CXADR: variants seen among roughly 807,000 people sequenced by gnomAD.
CXADR encodes coxsackievirus and adenovirus receptor.
In CXADR, 20 loss-of-function variants were observed where a neutral mutation model predicts 40.3. The ratio of observed to expected loss-of-function variants is 0.50; its 90% CI spans 0.35 to 0.72. The LOEUF (loss-of-function observed/expected upper bound fraction) is 0.72. Ranked by LOEUF, CXADR falls within the 30% of genes least tolerant of loss-of-function variation. The probability of loss-of-function intolerance (pLI) is 0.01; values close to 1 mark genes in which losing one functional copy is unlikely to be tolerated. For synonymous variants in CXADR, 150 were observed against 161.3 expected, an observed-to-expected ratio of 0.93 and a Z score of 0.53; for missense variants, 332 against 449.1, an observed-to-expected ratio of 0.74 and a Z score of 2.36.
At chr21:17,595,435 A>C (rs1274286263), downstream of CXADR, among the ~76,000 whole-genome samples, 10 of 151,988 alleles carry the variant, frequency 6.6e-5, no homozygotes, top group Admixed American at 2.6e-4. Context: ...ACCCTTCTCA[A>C]GGGCAACTGA....
chr21:17,593,751 A>C (rs897658073), downstream of CXADR: 6 of 199,776 alleles, frequency 3.0e-5, no homozygotes, highest in Non-Finnish European at 5.0e-5. Flanking sequence ...AATAACTTAC[A>C]TACGCTCCAT....
At chr21:17,540,404 A>G (rs1304171832) in intron 1 of CXADR, among the ~76,000 whole-genome samples, 1 of 152,076 alleles carries the variant, frequency 6.6e-6, no homozygotes, top group Non-Finnish European at 1.5e-5. Context: ...ATTTCATTCG[A>G]TGATTGTATT....
At chr21:17,565,161 ATC>A (rs1569135654) in intron 6 of CXADR, among the ~76,000 whole-genome samples, 2 of 152,224 alleles carry the variant, frequency 1.3e-5, no homozygotes, top group Non-Finnish European at 2.9e-5. Flanking sequence ...TTCTAGAATC[ATC>A]TACATTTGTG....
At chr21:17,594,435 T>C (rs1186840155), downstream of CXADR, 3 of 1,355,480 alleles carry the variant, frequency 2.2e-6, no homozygotes, top group African/African-American at 4.4e-5. Context: ...AACACTGAGA[T>C]CACATCTAAG....
chr21:17,530,280 T>C (rs1401828998), intron 1 of CXADR: 1 of 338,232 alleles, frequency 3.0e-6, no homozygotes, highest in African/African-American at 2.2e-5. Context: ...CACCCTTTTT[T>C]CCACTCTTTT....
chr21:17,533,375 A>G (rs1269382475), intron 1 of CXADR, among the ~76,000 whole-genome samples: 1 of 152,204 alleles, frequency 6.6e-6, no homozygotes, highest in Non-Finnish European at 1.5e-5. Flanking sequence ...TACCATGGTG[A>G]TTGGAATAGG....
At chr21:17,574,146 A>G (rs1038860545), downstream of CXADR, among the ~76,000 whole-genome samples, 1 of 152,176 alleles carries the variant, frequency 6.6e-6, no homozygotes, top group Non-Finnish European at 1.5e-5. Context: ...ATAGAGTGAA[A>G]TCTAACCCTC....
the CXADR span, chr21:17,598,712 A>T: frequency 6.2e-7 from 1 of 1,614,002 alleles, no homozygotes; most frequent in East Asian, 2.2e-5. Flanking sequence ...CCTGAATGAT[A>T]ATCAGAGGTA....
chr21:17,595,654 T>C (rs1038432263), downstream of CXADR, among the ~76,000 whole-genome samples: 1 of 151,982 alleles, frequency 6.6e-6, no homozygotes, highest in Non-Finnish European at 1.5e-5. Context: ...CTCCTAGTAA[T>C]GGGACATTGA....
At chr21:17,629,052 C>T in the CXADR span, among the ~76,000 whole-genome samples, 1 of 152,072 alleles carries the variant, frequency 6.6e-6, no homozygotes, top group Non-Finnish European at 1.5e-5. Context: ...TTGACATATA[C>T]AATTAACCAT....
chr21:17,577,446 T>C (rs1335781588), intron 7 of CXADR, among the ~76,000 whole-genome samples: 1 of 152,010 alleles, frequency 6.6e-6, no homozygotes, highest in Non-Finnish European at 1.5e-5. Flanking sequence ...TTTTTGGACC[T>C]AGAGATTGTT....
intron 1 of CXADR, among the ~76,000 whole-genome samples, chr21:17,525,423 C>T (rs2060586854): frequency 6.6e-6 from 1 of 152,178 alleles, no homozygotes; most frequent in African/African-American, 2.4e-5. Context: ...TGTTTGAAGT[C>T]CTCTCAAGGA....
chr21:17,534,100 ATTTTTTTTTT>A (rs1157117899), intron 1 of CXADR, among the ~76,000 whole-genome samples: 1 of 60,070 alleles, frequency 1.7e-5, no homozygotes, highest in African/African-American at 8.9e-5. Flanking sequence ...ATATATATAT[ATTTTTTTTTT>A]TTTTTTTTTT....
chr21:17,604,736 A>G, the CXADR span: 1 of 1,202,848 alleles, frequency 8.3e-7, no homozygotes, highest in Non-Finnish European at 1.1e-6. Flanking sequence ...TAAAATTTAC[A>G]TCTGAGAGAG....
rs35477813 is a variant in CXADR, at chr21:17,528,068, CTTT to C, written c.43+14917_43+14919del. On this transcript the variant is annotated intron_variant, in intron 1 of 6. Coordinates refer to ENST00000284878, the MANE Select transcript of CXADR (RefSeq NM_001338.5). ...GTGCTCTCCTTATGCTTAGTTCTTT[CTTT>C]TTTTTTTTTTTTTTTTTTTTGAGAC... is the stretch of plus-strand genomic sequence containing the variant. Among the ~76,000 whole-genome samples, 39 of 78,348 alleles carry C rather than the reference CTTT, an allele frequency of 5.0e-4. 1 individual carries two copies. The South Asian group carries it at 7.6e-3, about 15-fold the overall frequency. 51.4% of individuals were successfully genotyped at this position (78,348 alleles called of 152,430 possible). A position where few individuals can be genotyped will look rare whatever the true frequency, so the allele number is the denominator to read the frequency against.
chr21:17,542,149 T>G (rs2060838192), intron 1 of CXADR: 2 of 200,582 alleles, frequency 1.0e-5, no homozygotes, highest in East Asian at 1.7e-4. Flanking sequence ...CTCAAAACAT[T>G]ATTAAAAATT....
intron 7 of CXADR, among the ~76,000 whole-genome samples, chr21:17,591,529 C>CT (rs1569164384): frequency 6.6e-6 from 1 of 151,902 alleles, no homozygotes; most frequent in Non-Finnish European, 1.5e-5. Flanking sequence ...AAGTTAAATA[C>CT]TTTGAGATAA....
intron 7 of CXADR, among the ~76,000 whole-genome samples, chr21:17,590,055 A>G (rs959881862): frequency 4.6e-5 from 7 of 152,198 alleles, no homozygotes; most frequent in Non-Finnish European, 8.8e-5. Context: ...CATATTCCCT[A>G]TGGATTTATA....
chr21:17,543,131 G>T (rs556110591), intron 1 of CXADR: 54 of 264,112 alleles, frequency 2.0e-4, no homozygotes, highest in African/African-American at 1.2e-3. Flanking sequence ...AATATCATAA[G>T]CAGCATACTC....
Sources: allele counts gnomAD v4.1 joint callset (sites outside exome capture counted in the v4.1 genomes callset), GRCh38; gene constraint gnomAD v4.1.1; transcripts MANE v1.5; gene names NCBI Gene and HGNC (gene_info 2026-07-23, HGNC 2026-07-21).